The following DGKB variants were observed in gnomAD, a reference collection of about 807,000 sequenced individuals.
DGKB encodes diacylglycerol kinase beta, also known as 90 kDa diacylglycerol kinase.
Under a neutral mutation model 114.3 loss-of-function variants are expected in DGKB, and 67 were observed. The ratio of observed to expected loss-of-function variants is 0.59; its 90% CI spans 0.48 to 0.72. DGKB has a LOEUF of 0.72. DGKB is among the 30% of genes least tolerant of loss of function. DGKB has a pLI of 0.00. For missense variants in DGKB, 907 were observed against 975.2 expected (o/e 0.93, Z 0.93); for synonymous variants, 398 against 323.1 (o/e 1.23, Z -2.49).
At chr7:14,658,164 G>C (rs1051673211) in intron 13 of DGKB, among the ~76,000 whole-genome samples, 1 of 151,928 alleles carries the variant, frequency 6.6e-6, no homozygotes, top group Non-Finnish European at 1.5e-5. Context: ...TATAGGTAGA[G>C]ATACGTAGAT....
At chr7:14,590,418 A>G (rs1801511643) in intron 17 of DGKB, among the ~76,000 whole-genome samples, 2 of 152,024 alleles carry the variant, frequency 1.3e-5, no homozygotes, top group South Asian at 4.1e-4. Flanking sequence ...CATCCAGTTG[A>G]CTCACCATTG....
chr7:14,906,447 CTTTTTTT>C (rs34250901), upstream of DGKB, among the ~76,000 whole-genome samples: 18,264 of 104,054 alleles, frequency 0.18, 998 homozygotes, highest in East Asian at 0.27. Flanking sequence ...TTTTTTCTGT[CTTTTTTT>C]TTTTTTTTTT....
chr7:14,698,147 T>C lies in DGKB; in HGVS notation c.539A>G (p.Gln180Arg). The change falls in exon 8 of 26, where the codon CAG becomes CGG. Residue 180 changes from glutamine to arginine, a missense_variant. By Grantham distance (43) the Gln-to-Arg change is conservative. Coordinates refer to ENST00000402815, the MANE Select transcript of DGKB (RefSeq NM_001350709.2). ...AAGGTATTCTGCAACATGCATCATC[T>C]GACTGATGATATTTTCTAGCTCCTG... The part of the protein sequence containing the change: ...DSSELENIIS[Q>R]MMHVAEYLEW... 6.5e-7 allele frequency: 1 copy of C among 1,528,188 alleles called. No homozygotes were observed. Among genetic ancestry groups the C allele is most frequent in the African/African-American group, 1.4e-5 (1 of 69,918 alleles). The allele number at this position is 1,528,188 out of a possible 1,614,324, so 94.7% of individuals were successfully genotyped here. A position where few individuals can be genotyped will look rare whatever the true frequency, so the allele number is the denominator to read the frequency against.
intron 17 of DGKB, among the ~76,000 whole-genome samples, chr7:14,606,075 C>G (rs1361482135): frequency 6.6e-6 from 1 of 152,068 alleles, no homozygotes; most frequent in Non-Finnish European, 1.5e-5. Context: ...AGAATGGCAA[C>G]AGTTTTGAAT....
chr7:14,273,407 GATAAT>G (rs1172658823), intron 23 of DGKB, among the ~76,000 whole-genome samples: 1 of 152,030 alleles, frequency 6.6e-6, no homozygotes, highest in African/African-American at 2.4e-5. Flanking sequence ...CAGGATACAT[GATAAT>G]ATGTTTGGCA....
intron 1 of DGKB, among the ~76,000 whole-genome samples, chr7:14,971,220 A>T (rs964102713): frequency 2.0e-5 from 3 of 152,164 alleles, no homozygotes; most frequent in Admixed American, 1.3e-4. Flanking sequence ...AGTAAACAAG[A>T]TGTGTATTTC....
chr7:14,775,096 C>T (rs186592751), intron 2 of DGKB, among the ~76,000 whole-genome samples: 31 of 151,978 alleles, frequency 2.0e-4, no homozygotes, highest in Admixed American at 9.2e-4. Flanking sequence ...ATTTTGAATT[C>T]GTGAGCATAA....
chr7:14,762,252 G>A (rs932573263), intron 2 of DGKB, among the ~76,000 whole-genome samples: 1 of 151,992 alleles, frequency 6.6e-6, no homozygotes, highest in Non-Finnish European at 1.5e-5. Flanking sequence ...AATGTTTATG[G>A]GGAGATGAGT....
chr7:14,446,029 T>C (rs1402290269), intron 21 of DGKB, among the ~76,000 whole-genome samples: 1 of 152,132 alleles, frequency 6.6e-6, no homozygotes. Flanking sequence ...AACCCGTGCT[T>C]TCTTGACTTA....
chr7:14,170,347 A>G (rs571588544), intron 25 of DGKB, among the ~76,000 whole-genome samples: 6 of 152,250 alleles, frequency 3.9e-5, no homozygotes, highest in African/African-American at 1.4e-4. Context: ...TTTTTCTTAA[A>G]TTTATAATAT....
intron 2 of DGKB, among the ~76,000 whole-genome samples, chr7:14,809,532 G>A (rs755964432): frequency 2.0e-5 from 3 of 152,166 alleles, no homozygotes; most frequent in Non-Finnish European, 4.4e-5. Context: ...AGAAATGCAG[G>A]GCTTTTCCAA....
chr7:14,246,919 T>A (rs554099386), intron 23 of DGKB, among the ~76,000 whole-genome samples: 1 of 152,282 alleles, frequency 6.6e-6, no homozygotes, highest in African/African-American at 2.4e-5. Flanking sequence ...TTATATTAGA[T>A]CTTCAGAATA....
At chr7:14,651,347 C>T (rs544603473) in intron 13 of DGKB, among the ~76,000 whole-genome samples, 4,678 of 151,442 alleles carry the variant, frequency 0.031, 261 homozygotes, top group African/African-American at 0.11. Flanking sequence ...GTTCAATACA[C>T]GCAAATCAAT....
intron 20 of DGKB, among the ~76,000 whole-genome samples, chr7:14,551,292 C>T (rs184130111): frequency 2.0e-5 from 3 of 152,190 alleles, no homozygotes; most frequent in African/African-American, 7.2e-5. Context: ...CTACAGTTAA[C>T]ATAGACCCAA....
chr7:14,677,032 A>C (rs1434645409), intron 12 of DGKB, among the ~76,000 whole-genome samples: 1 of 152,030 alleles, frequency 6.6e-6, no homozygotes, highest in Non-Finnish European at 1.5e-5. Flanking sequence ...TTTTCCTGGA[A>C]GTGAATTAAA....
intron 10 of DGKB, among the ~76,000 whole-genome samples, chr7:14,684,268 G>GACAA (rs914886352): frequency 2.0e-5 from 3 of 151,900 alleles, no homozygotes; most frequent in African/African-American, 4.8e-5. Flanking sequence ...GCTAGCTAAC[G>GACAA]ACAAACAAAC....
At chr7:14,361,923 C>T (rs1004653936) in intron 21 of DGKB, among the ~76,000 whole-genome samples, 1 of 151,908 alleles carries the variant, frequency 6.6e-6, no homozygotes, top group African/African-American at 2.4e-5. Context: ...TTTAAAAAGA[C>T]CTGTATTTTT....
At chr7:14,644,959 G>T (rs149657282) in intron 13 of DGKB, among the ~76,000 whole-genome samples, 7 of 152,274 alleles carry the variant, frequency 4.6e-5, no homozygotes, top group African/African-American at 1.4e-4. Context: ...CAACCTTCCA[G>T]CAAAGGACAG....
At chr7:14,225,170 C>A (rs1225810241) in intron 23 of DGKB, among the ~76,000 whole-genome samples, 1 of 151,984 alleles carries the variant, frequency 6.6e-6, no homozygotes, top group Non-Finnish European at 1.5e-5. Flanking sequence ...TAAGTCAGTT[C>A]CTGTGGGAAG....
Sources: allele counts gnomAD v4.1 joint callset (sites outside exome capture counted in the v4.1 genomes callset), GRCh38; gene constraint gnomAD v4.1.1; transcripts MANE v1.5; gene names NCBI Gene and HGNC (gene_info 2026-07-23, HGNC 2026-07-21).